The following CBFA2T2 variants were observed in gnomAD, a reference collection of about 807,000 sequenced individuals.
The protein encoded by CBFA2T2 is CBFA2/RUNX1 partner transcriptional co-repressor 2.
Under a neutral mutation model 62.2 loss-of-function variants are expected in CBFA2T2, and 11 were observed. The observed-to-expected ratio is 0.18, with a 90% CI of 0.11 to 0.29. The LOEUF (loss-of-function observed/expected upper bound fraction) is 0.29, where lower values mean the gene tolerates loss of function less well. Ranked by LOEUF, CBFA2T2 falls within the 10% of genes least tolerant of loss-of-function variation. CBFA2T2 has a pLI of 1.00. For missense variants in CBFA2T2, 592 were observed against 774.1 expected (o/e 0.76, Z 2.79); for synonymous variants, 295 against 287.5 (o/e 1.03, Z -0.27).
chr20:33,563,609 C>T (rs1042642164), intron 1 of CBFA2T2, among the ~76,000 whole-genome samples: 2 of 152,206 alleles, frequency 1.3e-5, no homozygotes, highest in East Asian at 3.9e-4. Flanking sequence ...GGGAGTTACA[C>T]AAACTGTGTA....
At chr20:33,544,945 CAGAATAGAAT>C (rs765681667) in intron 1 of CBFA2T2, among the ~76,000 whole-genome samples, 19,846 of 130,758 alleles carry the variant, frequency 0.15, 1,647 homozygotes, top group Non-Finnish European at 0.18. Context: ...TAGAATAGAA[CAGAATAGAAT>C]AGAATAGAAT....
intron 1 of CBFA2T2, among the ~76,000 whole-genome samples, chr20:33,597,484 C>T (rs2014942062): frequency 6.6e-6 from 1 of 152,152 alleles, no homozygotes; most frequent in African/African-American, 2.4e-5. Flanking sequence ...TGTGGCACAG[C>T]AAGTGGTGAG....
At chr20:33,559,485 T>TTTG (rs533489535) in intron 1 of CBFA2T2, among the ~76,000 whole-genome samples, 37 of 151,752 alleles carry the variant, frequency 2.4e-4, no homozygotes, top group African/African-American at 2.7e-4. Flanking sequence ...AATTGTGATT[T>TTTG]TTGTTGTTGT....
intron 1 of CBFA2T2, among the ~76,000 whole-genome samples, chr20:33,505,597 A>G (rs774213531): frequency 1.6e-4 from 24 of 152,052 alleles, no homozygotes; most frequent in Non-Finnish European, 2.5e-4. Context: ...CAGCCTCAAC[A>G]TGGAGAAACC....
At chr20:33,600,182 G>GTTGTTTT (rs1568844383) in intron 1 of CBFA2T2, among the ~76,000 whole-genome samples, 20 of 62,066 alleles carry the variant, frequency 3.2e-4, no homozygotes, top group Non-Finnish European at 5.2e-4. Context: ...CTTTTGGAAA[G>GTTGTTTT]TTTTTTTTTT....
intron 1 of CBFA2T2, among the ~76,000 whole-genome samples, chr20:33,562,110 T>A (rs1343792976): frequency 1.3e-5 from 2 of 152,202 alleles, no homozygotes; most frequent in Non-Finnish European, 2.9e-5. Flanking sequence ...TGCTAAACAT[T>A]TGAATGTTCC....
intron 1 of CBFA2T2, among the ~76,000 whole-genome samples, chr20:33,511,018 G>T (rs1211516893): frequency 1.3e-5 from 2 of 152,060 alleles, no homozygotes; most frequent in Non-Finnish European, 2.9e-5. Flanking sequence ...TAAGTTCTTT[G>T]TAGATTCTGG....
intron 1 of CBFA2T2, among the ~76,000 whole-genome samples, chr20:33,582,951 A>G (rs1289643832): frequency 1.3e-5 from 2 of 151,748 alleles, no homozygotes; most frequent in African/African-American, 4.8e-5. Flanking sequence ...AAAAAAAAAA[A>G]GAGGAAAGAC....
intron 1 of CBFA2T2, among the ~76,000 whole-genome samples, chr20:33,566,052 A>G (rs2013299421): frequency 6.6e-6 from 1 of 152,284 alleles, no homozygotes; most frequent in East Asian, 1.9e-4. Flanking sequence ...TTAGGGTTGG[A>G]AAGGATCCTT....
chr20:33,558,018 G>A (rs981905310), intron 1 of CBFA2T2, among the ~76,000 whole-genome samples: 4 of 152,044 alleles, frequency 2.6e-5, no homozygotes, highest in African/African-American at 7.2e-5. Context: ...TAGTAGAGAC[G>A]GGGTTTCACC....
At chr20:33,517,002 C>T (rs924578486) in intron 1 of CBFA2T2, among the ~76,000 whole-genome samples, 7 of 152,196 alleles carry the variant, frequency 4.6e-5, no homozygotes, top group Non-Finnish European at 7.3e-5. Flanking sequence ...TGAGATCACA[C>T]CTTTCAGAGA....
intron 1 of CBFA2T2, among the ~76,000 whole-genome samples, chr20:33,510,469 TG>T (rs2011490516): frequency 6.6e-6 from 1 of 151,742 alleles, no homozygotes; most frequent in South Asian, 2.1e-4. Context: ...CCTCGGCCTC[TG>T]GAAGTGCTGG....
chr20:33,609,622 A>T (rs2015455770), intron 2 of CBFA2T2, among the ~76,000 whole-genome samples: 1 of 152,196 alleles, frequency 6.6e-6, no homozygotes, highest in South Asian at 2.1e-4. Flanking sequence ...TCCTTAACAG[A>T]GATGATACCT....
At chr20:33,515,202 T>G (rs2011578406) in intron 1 of CBFA2T2, among the ~76,000 whole-genome samples, 1 of 151,394 alleles carries the variant, frequency 6.6e-6, no homozygotes, top group African/African-American at 2.4e-5. Flanking sequence ...AATAGAAAAA[T>G]TCACTGGGTG....
chr20:33,621,786 C>T (rs1009372100), intron 4 of CBFA2T2, among the ~76,000 whole-genome samples: 2 of 152,204 alleles, frequency 1.3e-5, no homozygotes, highest in East Asian at 3.8e-4. Flanking sequence ...AGCAGATACA[C>T]AGGAAAATGC....
intron 1 of CBFA2T2, among the ~76,000 whole-genome samples, chr20:33,567,935 A>C (rs1237053697): frequency 6.6e-6 from 1 of 152,158 alleles, no homozygotes; most frequent in African/African-American, 2.4e-5. Flanking sequence ...AACATAGTAT[A>C]TATAGGGTTT....
At chr20:33,541,483 A>C (rs571529509) in intron 1 of CBFA2T2, among the ~76,000 whole-genome samples, 1 of 152,138 alleles carries the variant, frequency 6.6e-6, no homozygotes. Context: ...GCCGGACTCT[A>C]TTTTTCCATT....
At chr20:33,602,913 C>G (rs2015193329) in intron 1 of CBFA2T2, among the ~76,000 whole-genome samples, 1 of 152,150 alleles carries the variant, frequency 6.6e-6, no homozygotes, top group Non-Finnish European at 1.5e-5. Flanking sequence ...CATGACAGTT[C>G]ATCTGATGGT....
At chr20:33,544,743 C>G (rs149092659) in intron 1 of CBFA2T2, among the ~76,000 whole-genome samples, 1 of 151,886 alleles carries the variant, frequency 6.6e-6, no homozygotes, top group South Asian at 2.1e-4. Flanking sequence ...GATGGGGTTT[C>G]ACCATATTGG....
Sources: allele counts gnomAD v4.1 joint callset (sites outside exome capture counted in the v4.1 genomes callset), GRCh38; gene constraint gnomAD v4.1.1; transcripts MANE v1.5; gene names NCBI Gene and HGNC (gene_info 2026-07-23, HGNC 2026-07-21).